The following ZSCAN25 variants were observed in gnomAD, a reference collection of about 807,000 sequenced individuals.
ZSCAN25 encodes zinc finger and SCAN domain-containing protein 25.
ZSCAN25 carries 27 observed loss-of-function variants against 38.7 expected under a neutral mutation model. The observed-to-expected ratio is 0.70, with a 90% confidence interval of 0.51 to 0.96. ZSCAN25 has a LOEUF of 0.96. Among genes scored for constraint, ZSCAN25 ranks in the 40% least tolerant of loss-of-function variants. The pLI is 0.00. For synonymous variants in ZSCAN25, 273 were observed against 277.7 expected (o/e 0.98, Z 0.17); for missense variants, 637 against 705.9 (o/e 0.90, Z 1.11).
chr7:99,730,892 A>C, the ZSCAN25 span: 8 of 848,916 alleles, frequency 9.4e-6, no homozygotes, highest in Middle Eastern at 3.4e-4. Context: ...GAGAGTTAGC[A>C]AGAGAGCCCC....
At chr7:99,641,039 GTC>G in the ZSCAN25 span, among the ~76,000 whole-genome samples, 1 of 152,200 alleles carries the variant, frequency 6.6e-6, no homozygotes, top group Non-Finnish European at 1.5e-5. Flanking sequence ...AAAAAGTGCA[GTC>G]TCTTCAGAAG....
At chr7:99,658,727 C>A in the ZSCAN25 span, 1 of 152,178 alleles carries the variant, frequency 6.6e-6, no homozygotes, top group African/African-American at 2.4e-5. Flanking sequence ...ACCAATCAGA[C>A]GTAGATTTGG....
the ZSCAN25 span, among the ~76,000 whole-genome samples, chr7:99,719,845 A>G: frequency 6.6e-6 from 1 of 152,154 alleles, no homozygotes; most frequent in Admixed American, 6.5e-5. Context: ...TAAAAATACA[A>G]AAATTAGTAG....
At chr7:99,724,912 C>T in the ZSCAN25 span, among the ~76,000 whole-genome samples, 3 of 152,168 alleles carry the variant, frequency 2.0e-5, no homozygotes, top group African/African-American at 7.2e-5. Flanking sequence ...TGACCTCCCC[C>T]CTCTCCCCAG....
chr7:99,708,034 T>C, the ZSCAN25 span: 1 of 1,612,044 alleles, frequency 6.2e-7, no homozygotes, highest in Non-Finnish European at 8.5e-7. Flanking sequence ...AAGAGTTACA[T>C]GTTAGGGTTT....
intron 2 of ZSCAN25, 124 bp downstream of exon 2, chr7:99,618,775 T>C (rs906478652): frequency 6.6e-6 from 1 of 152,252 alleles, no homozygotes; most frequent in Admixed American, 6.5e-5. Flanking sequence ...CATAATTCTT[T>C]CTGTGGCGCA....
At chr7:99,636,440 A>G (rs1389232867), downstream of ZSCAN25, among the ~76,000 whole-genome samples, 1 of 152,234 alleles carries the variant, frequency 6.6e-6, no homozygotes, top group Non-Finnish European at 1.5e-5. Flanking sequence ...TACTTTAAAT[A>G]GTTCATTTTT....
the ZSCAN25 span, among the ~76,000 whole-genome samples, chr7:99,654,652 A>C: frequency 6.6e-6 from 1 of 151,934 alleles, no homozygotes; most frequent in East Asian, 1.9e-4. Context: ...CTGAGGAATC[A>C]CCACACTGAC....
At chr7:99,672,898 C>A in the ZSCAN25 span, 2 of 1,351,296 alleles carry the variant, frequency 1.5e-6, no homozygotes, top group Non-Finnish European at 1.9e-6. Flanking sequence ...GTAATGTGGT[C>A]CAAACAGGGA....
At chr7:99,672,729 G>A in the ZSCAN25 span, 2 of 1,610,884 alleles carry the variant, frequency 1.2e-6, no homozygotes, top group Admixed American at 1.7e-5. Context: ...CGATTCTGCA[G>A]CTGGAGCCAC....
the ZSCAN25 span, among the ~76,000 whole-genome samples, chr7:99,667,284 G>A: frequency 6.6e-6 from 1 of 152,216 alleles, no homozygotes; most frequent in Non-Finnish European, 1.5e-5. Flanking sequence ...CAGCCATCTG[G>A]TGTGGTCTCC....
chr7:99,736,692 G>A, the ZSCAN25 span, among the ~76,000 whole-genome samples: 2 of 152,132 alleles, frequency 1.3e-5, no homozygotes, highest in African/African-American at 4.8e-5. Context: ...TCTTTCTCAG[G>A]TTCAGCACTC....
chr7:99,693,938 C>A, the ZSCAN25 span, among the ~76,000 whole-genome samples: 1 of 152,090 alleles, frequency 6.6e-6, no homozygotes, highest in South Asian at 2.1e-4. Context: ...GACTTGCTGG[C>A]AGTTAGAGGA....
chr7:99,668,739 C>T, the ZSCAN25 span, among the ~76,000 whole-genome samples: 1 of 152,218 alleles, frequency 6.6e-6, no homozygotes, highest in African/African-American at 2.4e-5. Context: ...AGTGTGTATT[C>T]TGGACAAGGC....
chr7:99,635,994 T>C (rs1045555937), downstream of ZSCAN25, among the ~76,000 whole-genome samples: 14 of 127,108 alleles, frequency 1.1e-4, no homozygotes, highest in African/African-American at 3.7e-4. Context: ...TTGCAGTGAG[T>C]GGAGATCGCG....
At chr7:99,705,417 G>T in the ZSCAN25 span, 2 of 1,466,470 alleles carry the variant, frequency 1.4e-6, no homozygotes, top group Non-Finnish European at 1.9e-6. Flanking sequence ...TCATTTCAGG[G>T]TTCTATTTGT....
downstream of ZSCAN25, among the ~76,000 whole-genome samples, chr7:99,632,963 G>GT (rs1362978774): frequency 4.1e-5 from 6 of 145,736 alleles, no homozygotes; most frequent in Non-Finnish European, 8.9e-5. Flanking sequence ...ATCCTGGAGA[G>GT]TTTTTTACAT....
At chr7:99,643,950 T>G in the ZSCAN25 span, among the ~76,000 whole-genome samples, 20 of 151,804 alleles carry the variant, frequency 1.3e-4, no homozygotes, top group Admixed American at 2.0e-4. Flanking sequence ...ACACCACCCT[T>G]CATAAAATAG....
chr7:99,629,051 A>T lies in ZSCAN25; in HGVS notation c.806-140A>T. 1.7e-6 allele frequency: 2 copies of T among 1,209,654 alleles called. No individual in the cohort carries two copies. Among genetic ancestry groups the T allele is most frequent in the Non-Finnish European group, 2.3e-6 (2 of 886,790 alleles). 74.9% of individuals were successfully genotyped at this position (1,209,654 alleles called of 1,614,324 possible). On this transcript the variant is annotated intron_variant, in intron 7 of 7. Coordinates refer to ENST00000394152, the MANE Select transcript of ZSCAN25 (RefSeq NM_145115.3). The surrounding 1 kb of genome is among the most constrained non-coding windows in gnomAD (Gnocchi z 5.6). Reference sequence around the variant, plus strand: ...GAGGTGGAAATAAGGAAAAAGAAGTAAGGAAAGCCTGAGTTGAGGTTGTTG... The same window carrying T: ...GAGGTGGAAATAAGGAAAAAGAAGTTAGGAAAGCCTGAGTTGAGGTTGTTG...
Sources: allele counts gnomAD v4.1 joint callset (sites outside exome capture counted in the v4.1 genomes callset), GRCh38; gene constraint gnomAD v4.1.1; non-coding constraint Gnocchi (gnomAD v3.1); transcripts MANE v1.5; gene names NCBI Gene and HGNC (gene_info 2026-07-23, HGNC 2026-07-21).